Variants in NTM observed in about 807,000 individuals in gnomAD.
The protein encoded by NTM is IgLON family member 2.
In NTM, 13 loss-of-function variants were observed where a neutral mutation model predicts 42.1. That is an observed-to-expected ratio of 0.31 (90% CI 0.20 to 0.49). The LOEUF (loss-of-function observed/expected upper bound fraction) is 0.49, where lower values mean the gene tolerates loss of function less well. NTM is among the 20% of genes least tolerant of loss of function. The probability of loss-of-function intolerance (pLI) is 0.99; values close to 1 mark genes in which losing one functional copy is unlikely to be tolerated. For missense variants in NTM, 373 were observed against 452.8 expected, an observed-to-expected ratio of 0.82 and a Z score of 1.60; for synonymous variants, 187 against 179.2, an observed-to-expected ratio of 1.04 and a Z score of -0.35.
At chr11:131,711,317 G>T (rs543958707) in intron 1 of NTM, among the ~76,000 whole-genome samples, 3 of 152,044 alleles carry the variant, frequency 2.0e-5, no homozygotes, top group Non-Finnish European at 4.4e-5. Flanking sequence ...AAAAGTGGGC[G>T]AAGTACATGA....
At chr11:131,874,059 A>G (rs1331737157) in intron 1 of NTM, among the ~76,000 whole-genome samples, 29 of 102,848 alleles carry the variant, frequency 2.8e-4, no homozygotes, top group African/African-American at 1.0e-3. Flanking sequence ...ATATATATAT[A>G]TATATATATC....
intron 2 of NTM, among the ~76,000 whole-genome samples, chr11:131,949,227 G>T (rs143354216): frequency 1.3e-5 from 2 of 152,132 alleles, no homozygotes; most frequent in Non-Finnish European, 2.9e-5. Context: ...ATATTACTGC[G>T]TTTTCTTTAA....
chr11:132,028,827 C>A (rs187179899), intron 2 of NTM, among the ~76,000 whole-genome samples: 1 of 152,112 alleles, frequency 6.6e-6, no homozygotes, highest in Non-Finnish European at 1.5e-5. Context: ...CCTTTGCTCT[C>A]CCCCTGCTGG....
In NTM at chr11:131,432,839, C is replaced by CTTTTTTTTTTTTTTTTTT. The variant is rs377739708; in HGVS notation, c.82+61966_82+61983dup. ...CTACAAAAGATGAAGATTTAGCATT[C>CTTTTTTTTTTTTTTTTTT]TTTTTTTTTTTTTTTTTTTTTTTTT... is the stretch of plus-strand genomic sequence containing the variant. On this transcript the variant is annotated intron_variant, in intron 1 of 8. Transcript: ENST00000683400. Among the ~76,000 whole-genome samples, 45 of 68,706 alleles carry CTTTTTTTTTTTTTTTTTT rather than the reference C, an allele frequency of 6.5e-4. 5 individuals carry two copies. Among genetic ancestry groups the CTTTTTTTTTTTTTTTTTT allele is most frequent in the Non-Finnish European group, 8.8e-4 (34 of 38,812 alleles). The allele number at this position is 68,706 out of a possible 152,430, so 45.1% of individuals were successfully genotyped here.
intron 2 of NTM, among the ~76,000 whole-genome samples, chr11:131,973,416 C>T (rs1193887997): frequency 6.6e-6 from 1 of 152,200 alleles, no homozygotes; most frequent in South Asian, 2.1e-4. Flanking sequence ...ACTGGTGAAC[C>T]TTTATTAGTG....
At position 131,729,456 on chromosome 11, in the gene NTM, A is replaced by G. The variant is rs950973027; in HGVS notation, c.83-182108A>G. ...TTGAGATATAATTCATGCTGCAAAAAACACCCTTTTAAAGTGCATAATATG... is the reference window on the plus strand; with the variant it reads ...TTGAGATATAATTCATGCTGCAAAAGACACCCTTTTAAAGTGCATAATATG... On this transcript the variant is annotated intron_variant, in intron 1 of 8. Coordinates refer to ENST00000683400, the MANE Select transcript of NTM (RefSeq NM_001352005.2). Among the ~76,000 whole-genome samples, 7 of 152,324 alleles carry G rather than the reference A, an allele frequency of 4.6e-5. No homozygotes were observed. In the South Asian group the frequency reaches 1.0e-3, roughly 23 times the overall value.
At chr11:131,880,566 C>G (rs1216792712) in intron 1 of NTM, among the ~76,000 whole-genome samples, 1 of 152,114 alleles carries the variant, frequency 6.6e-6, no homozygotes, top group African/African-American at 2.4e-5. Flanking sequence ...ACTTGGGAGT[C>G]CAGTGCCAGG....
chr11:131,579,519 C>A (rs2458767), intron 1 of NTM, among the ~76,000 whole-genome samples: 1 of 151,914 alleles, frequency 6.6e-6, no homozygotes, highest in African/African-American at 2.4e-5. Context: ...TATTACAGGA[C>A]CCCATAATAT....
At chr11:131,870,555 C>G (rs1448493951) in intron 1 of NTM, among the ~76,000 whole-genome samples, 1 of 152,162 alleles carries the variant, frequency 6.6e-6, no homozygotes, top group Non-Finnish European at 1.5e-5. Flanking sequence ...GAGGGCCCTC[C>G]TCTTTAAGCA....
chr11:131,370,894 A>C lies in NTM; in HGVS notation c.82+6A>C, dbSNP rs369890953. Reference sequence around the variant, plus strand: ...TGCTCTGTGTCTCTTCCAAGGTAAGAGCTTGCTATTGATTTGCCTTCGGTA... The same window carrying C: ...TGCTCTGTGTCTCTTCCAAGGTAAGCGCTTGCTATTGATTTGCCTTCGGTA... On this transcript the variant is annotated splice_donor_region_variant and intron_variant, in intron 1 of 8. Coordinates refer to ENST00000683400, the MANE Select transcript of NTM (RefSeq NM_001352005.2). 5 of 1,613,768 alleles carry C rather than the reference A, an allele frequency of 3.1e-6. No individual in the cohort carries two copies. The African/African-American group carries it at 6.7e-5, about 22-fold the overall frequency.
chr11:132,003,662 T>C lies in NTM; in HGVS notation c.167+92014T>C, dbSNP rs1284081942. On this transcript the variant is annotated intron_variant, in intron 2 of 8. Coordinates refer to ENST00000683400, the MANE Select transcript of NTM (RefSeq NM_001352005.2). This position sits in a 1 kb window ranked among gnomAD's most constrained non-coding sequence, Gnocchi z 6.0. ...TTGTTCACTCAAGAAGAAAAGGCTT[T>C]TCCTGGTAGGTCTGTCTGTAGCTCA... 6.6e-6 allele frequency among the ~76,000 whole-genome samples: 1 copy of C among 152,188 alleles called. No individual in the cohort carries two copies. Among genetic ancestry groups the C allele is most frequent in the Non-Finnish European group, 1.5e-5 (1 of 68,036 alleles).
At chr11:131,705,520 G>A (rs748560815) in intron 1 of NTM, among the ~76,000 whole-genome samples, 5 of 152,044 alleles carry the variant, frequency 3.3e-5, no homozygotes, top group Non-Finnish European at 7.4e-5. Context: ...CAATATAAAT[G>A]AATAAAACTC....
chr11:131,606,941 C>T (rs1044470756), intron 1 of NTM, among the ~76,000 whole-genome samples: 1 of 152,186 alleles, frequency 6.6e-6, no homozygotes, highest in Admixed American at 6.5e-5. Context: ...TCTTTTACCA[C>T]CCTGGAGTTA....
chr11:132,105,569 A>G (rs2062260613), intron 2 of NTM, among the ~76,000 whole-genome samples: 1 of 152,146 alleles, frequency 6.6e-6, no homozygotes. Flanking sequence ...AACAGTGGGA[A>G]GAGACAAAAC....
chr11:131,813,131 G>A (rs1360208250), intron 1 of NTM, among the ~76,000 whole-genome samples: 3 of 152,184 alleles, frequency 2.0e-5, no homozygotes, highest in Non-Finnish European at 2.9e-5. Flanking sequence ...GCCTTCGGGG[G>A]TGCTCACTGT....
At chr11:132,151,952 C>G (rs761948075) in intron 3 of NTM, among the ~76,000 whole-genome samples, 1 of 152,194 alleles carries the variant, frequency 6.6e-6, no homozygotes, top group Non-Finnish European at 1.5e-5. Context: ...ATTTCTGACT[C>G]TCTCTCTTAC....
chr11:131,490,584 TTA>T (rs1954674015), intron 1 of NTM, among the ~76,000 whole-genome samples: 1 of 152,160 alleles, frequency 6.6e-6, no homozygotes, highest in African/African-American at 2.4e-5. Flanking sequence ...CCTTATCTGC[TTA>T]TGTTTTGGGA....
chr11:131,753,859 T>A (rs1318202641), intron 1 of NTM, among the ~76,000 whole-genome samples: 1 of 150,042 alleles, frequency 6.7e-6, no homozygotes, highest in African/African-American at 2.5e-5. Context: ...AACCTGCACA[T>A]TGTGCACATG....
chr11:131,383,781 A>C (rs1293816290), intron 1 of NTM, among the ~76,000 whole-genome samples: 2 of 152,196 alleles, frequency 1.3e-5, no homozygotes. Flanking sequence ...GCCAAACAAC[A>C]TGATTTGGGT....
Sources: gnomAD v4.1 joint callset for allele counts (sites outside exome capture counted in the v4.1 genomes callset) on GRCh38, gnomAD v4.1.1 for gene constraint, Gnocchi (gnomAD v3.1) non-coding constraint, MANE v1.5 for transcripts, NCBI Gene and HGNC (gene_info 2026-07-23, HGNC 2026-07-21) for gene names.